Variants in GPHN observed in about 807,000 individuals in gnomAD.
The protein encoded by GPHN is gephyrin.
A neutral mutation model predicts 95.5 loss-of-function variants in GPHN; 17 were observed. The observed-to-expected ratio is 0.18, with a 90% confidence interval of 0.12 to 0.27. The LOEUF is 0.27. Among genes scored for constraint, GPHN ranks in the 10% least tolerant of loss-of-function variants. GPHN has a pLI of 1.00. For synonymous variants in GPHN, 320 were observed against 322.5 expected (o/e 0.99, Z 0.08); for missense variants, 660 against 978.1 (o/e 0.67, Z 4.34).
the GPHN span, among the ~76,000 whole-genome samples, chr14:67,654,637 C>T: frequency 6.6e-6 from 1 of 152,132 alleles, no homozygotes. Context: ...TCACACTGAG[C>T]TAGTATTTTC....
chr14:66,960,935 T>A (rs1007038343), intron 8 of GPHN, among the ~76,000 whole-genome samples: 1 of 152,142 alleles, frequency 6.6e-6, no homozygotes, highest in Non-Finnish European at 1.5e-5. Flanking sequence ...TGTTTTTCCA[T>A]GCCCAGATGA....
At chr14:67,589,519 C>T in the GPHN span, 4 of 984,878 alleles carry the variant, frequency 4.1e-6, no homozygotes, top group Non-Finnish European at 4.8e-6. Flanking sequence ...TAAAAAGCAG[C>T]TATCTGTGAA....
intron 3 of GPHN, among the ~76,000 whole-genome samples, chr14:66,790,443 A>G (rs1595908877): frequency 1.3e-5 from 2 of 152,344 alleles, no homozygotes; most frequent in Middle Eastern, 6.8e-3. Context: ...CCCTTCCCAG[A>G]AAAAGCCTAG....
intron 3 of GPHN, among the ~76,000 whole-genome samples, chr14:66,820,516 C>T (rs140068365): frequency 2.0e-5 from 3 of 152,170 alleles, no homozygotes; most frequent in Non-Finnish European, 2.9e-5. Flanking sequence ...AGTGTGCCTT[C>T]GTTTCTAGAA....
At chr14:66,751,901 G>A (rs1036234686) in intron 2 of GPHN, among the ~76,000 whole-genome samples, 2 of 152,018 alleles carry the variant, frequency 1.3e-5, no homozygotes, top group African/African-American at 4.8e-5. Context: ...CAGTATTTAA[G>A]GTTGTCTTAT....
At chr14:67,212,615 GTAATATATATTATATA>G in the GPHN span, among the ~76,000 whole-genome samples, 1 of 136,036 alleles carries the variant, frequency 7.4e-6, no homozygotes, top group African/African-American at 2.7e-5. Context: ...ATATATATAT[GTAATATATATTATATA>G]TAATATATAT....
intron 12 of GPHN, among the ~76,000 whole-genome samples, chr14:67,092,163 A>G (rs1206021439): frequency 6.6e-6 from 1 of 152,080 alleles, no homozygotes; most frequent in Admixed American, 6.6e-5. Flanking sequence ...TTTGTCTGTA[A>G]TTCAGGAAGA....
At chr14:67,198,331 T>C in the GPHN span, 2 of 1,607,048 alleles carry the variant, frequency 1.2e-6, no homozygotes, top group Non-Finnish European at 1.7e-6. Flanking sequence ...GTAAATCATA[T>C]TCAAGGCCTG....
intron 17 of GPHN, among the ~76,000 whole-genome samples, chr14:67,124,790 C>A (rs1338389998): frequency 6.8e-6 from 1 of 147,956 alleles, no homozygotes; most frequent in Non-Finnish European, 1.5e-5. Flanking sequence ...TATAATTCTG[C>A]CCATTCTCCC....
intron 1 of GPHN, among the ~76,000 whole-genome samples, chr14:66,519,065 A>G (rs941242542): frequency 6.6e-6 from 1 of 152,090 alleles, no homozygotes; most frequent in African/African-American, 2.4e-5. Flanking sequence ...CATTATATGT[A>G]TGGAGACATC....
chr14:67,692,569 C>CG, the GPHN span: 3 of 1,601,192 alleles, frequency 1.9e-6, no homozygotes, highest in Non-Finnish European at 2.6e-6. Context: ...TTCCACATCC[C>CG]GGCAAGCTAA....
At chr14:66,878,617 T>C (rs2063782242) in intron 4 of GPHN, among the ~76,000 whole-genome samples, 2 of 152,094 alleles carry the variant, frequency 1.3e-5, no homozygotes, top group African/African-American at 4.8e-5. Context: ...GTAAAAAAGC[T>C]AAGGGTCACT....
chr14:67,484,935 C>T, the GPHN span, among the ~76,000 whole-genome samples: 1 of 152,148 alleles, frequency 6.6e-6, no homozygotes, highest in African/African-American at 2.4e-5. Flanking sequence ...AGCCTCTGTG[C>T]TCATTATTAT....
At chr14:66,711,694 A>C (rs2069648103) in intron 2 of GPHN, among the ~76,000 whole-genome samples, 1 of 151,548 alleles carries the variant, frequency 6.6e-6, no homozygotes, top group South Asian at 2.1e-4. Flanking sequence ...TGCTGCATCA[A>C]CTTGTCATTT....
At chr14:66,965,754 A>G (rs1009893182) in intron 9 of GPHN, among the ~76,000 whole-genome samples, 3 of 152,188 alleles carry the variant, frequency 2.0e-5, no homozygotes, top group African/African-American at 7.2e-5. Flanking sequence ...CTGCTCTAGT[A>G]TCATTCCAAA....
At chr14:66,533,308 A>G (rs139220414) in intron 1 of GPHN, among the ~76,000 whole-genome samples, 2,055 of 152,316 alleles carry the variant, frequency 0.013, 59 homozygotes, top group African/African-American at 0.046. Flanking sequence ...TTACTTTGCC[A>G]CCATAAACAT....
At chr14:67,328,906 T>C in the GPHN span, among the ~76,000 whole-genome samples, 2 of 152,194 alleles carry the variant, frequency 1.3e-5, no homozygotes, top group Admixed American at 6.5e-5. Context: ...TGAAGTTGGA[T>C]AGGGTGATGC....
the GPHN span, among the ~76,000 whole-genome samples, chr14:67,234,846 G>A: frequency 2.0e-5 from 3 of 149,918 alleles, no homozygotes; most frequent in Admixed American, 6.6e-5. Flanking sequence ...CACTGCGCCC[G>A]GCCTACAGTT....
chr14:66,721,814 G>C (rs1056517213), intron 2 of GPHN, among the ~76,000 whole-genome samples: 12 of 151,982 alleles, frequency 7.9e-5, no homozygotes, highest in African/African-American at 2.9e-4. Context: ...AGCTGGGCAT[G>C]TTAGTGCCCG....
Sources: gnomAD v4.1 joint callset for allele counts (sites outside exome capture counted in the v4.1 genomes callset) on GRCh38, gnomAD v4.1.1 for gene constraint, MANE v1.5 for transcripts, NCBI Gene and HGNC (gene_info 2026-07-23, HGNC 2026-07-21) for gene names.